Variants in LRP1B observed in about 807,000 individuals in gnomAD.
LRP1B encodes the protein low-density lipoprotein receptor-related protein 1B.
In LRP1B, 217 loss-of-function variants were observed where a neutral mutation model predicts 556.6. The ratio of observed to expected loss-of-function variants is 0.39; its 90% CI spans 0.35 to 0.44. The LOEUF (loss-of-function observed/expected upper bound fraction) is 0.44, where lower values mean the gene tolerates loss of function less well. Among genes scored for constraint, LRP1B ranks in the 20% least tolerant of loss-of-function variants. The probability of loss-of-function intolerance (pLI) is 1.00; values close to 1 mark genes in which losing one functional copy is unlikely to be tolerated. For missense variants in LRP1B, 5,053 were observed against 5,620.8 expected, an observed-to-expected ratio of 0.90 and a Z score of 3.23; for synonymous variants, 2,047 against 1,865.8, an observed-to-expected ratio of 1.10 and a Z score of -2.50.
intron 6 of LRP1B, among the ~76,000 whole-genome samples, chr2:141,209,048 A>T (rs543269713): frequency 6.6e-6 from 1 of 152,246 alleles, no homozygotes; most frequent in East Asian, 1.9e-4. Flanking sequence ...TTACATCCTT[A>T]GAAACAAGCA....
intron 76 of LRP1B, among the ~76,000 whole-genome samples, chr2:140,351,554 C>A (rs770824101): frequency 3.9e-5 from 6 of 151,968 alleles, no homozygotes; most frequent in African/African-American, 7.2e-5. Context: ...AGTATTTATT[C>A]CATTAAAGTT....
intron 72 of LRP1B, among the ~76,000 whole-genome samples, chr2:140,361,359 T>C (rs184119680): frequency 9.5e-4 from 117 of 122,958 alleles, no homozygotes; most frequent in South Asian, 1.4e-3. Flanking sequence ...TATATATATA[T>C]ATATATATAT....
At chr2:140,608,167 CAT>C (rs1440440417) in intron 41 of LRP1B, among the ~76,000 whole-genome samples, 2 of 151,916 alleles carry the variant, frequency 1.3e-5, no homozygotes, top group African/African-American at 4.8e-5. Flanking sequence ...CATAGAAAAA[CAT>C]AAGAGAATCT....
chr2:141,520,856 A>G (rs7585325), intron 2 of LRP1B, among the ~76,000 whole-genome samples: 149,023 of 152,038 alleles, frequency 0.98, 73,096 homozygotes, highest in East Asian at 1. Flanking sequence ...TGCTTTTATA[A>G]GAAAAAAGCA....
chr2:141,687,376 A>G (rs1257861216), intron 2 of LRP1B, among the ~76,000 whole-genome samples: 1 of 152,002 alleles, frequency 6.6e-6, no homozygotes, highest in Admixed American at 6.6e-5. Context: ...TAAGCCAAAT[A>G]TTCTGACTTT....
chr2:140,684,739 A>G (rs1685988535), intron 41 of LRP1B, among the ~76,000 whole-genome samples: 2 of 152,194 alleles, frequency 1.3e-5, no homozygotes, highest in African/African-American at 4.8e-5. Context: ...ATACTTATTT[A>G]CCAACATCCC....
At chr2:140,581,915 A>C (rs924293831) in intron 43 of LRP1B, among the ~76,000 whole-genome samples, 3 of 152,166 alleles carry the variant, frequency 2.0e-5, no homozygotes, top group Non-Finnish European at 4.4e-5. Context: ...TTCATACTAC[A>C]TCATTCACTT....
At chr2:141,170,148 C>T (rs1026851000) in intron 7 of LRP1B, among the ~76,000 whole-genome samples, 3 of 152,072 alleles carry the variant, frequency 2.0e-5, no homozygotes, top group Admixed American at 6.6e-5. Flanking sequence ...TTAATAGACA[C>T]CTGTCCTTTT....
intron 1 of LRP1B, among the ~76,000 whole-genome samples, chr2:141,818,566 T>G (rs1394226867): frequency 7.3e-6 from 1 of 137,530 alleles, no homozygotes; most frequent in East Asian, 2.2e-4. Context: ...AGATGGAGTC[T>G]TGCTCTGTCA....
At chr2:141,873,370 T>C (rs1698651201) in intron 1 of LRP1B, among the ~76,000 whole-genome samples, 1 of 151,978 alleles carries the variant, frequency 6.6e-6, no homozygotes, top group African/African-American at 2.4e-5. Context: ...GTTGTAGTAC[T>C]GGTGAAATAA....
At chr2:141,380,212 G>C (rs1010506583) in intron 3 of LRP1B, among the ~76,000 whole-genome samples, 4 of 141,146 alleles carry the variant, frequency 2.8e-5, no homozygotes, top group Non-Finnish European at 6.1e-5. Context: ...CTTCCTCTTG[G>C]TTTGCTCCAG....
chr2:140,952,400 T>A (rs1695743102), intron 18 of LRP1B, among the ~76,000 whole-genome samples: 1 of 152,018 alleles, frequency 6.6e-6, no homozygotes, highest in Non-Finnish European at 1.5e-5. Flanking sequence ...GATGTTAACA[T>A]TATATGGTGA....
At chr2:141,550,806 C>T (rs1487348242) in intron 2 of LRP1B, among the ~76,000 whole-genome samples, 1 of 152,076 alleles carries the variant, frequency 6.6e-6, no homozygotes, top group Non-Finnish European at 1.5e-5. Flanking sequence ...CTGTATTCAT[C>T]CATTCCTTCA....
chr2:141,171,865 T>A (rs1397742783), intron 7 of LRP1B, among the ~76,000 whole-genome samples: 2 of 152,126 alleles, frequency 1.3e-5, no homozygotes, highest in Admixed American at 6.6e-5. Flanking sequence ...ATTCTCTGGA[T>A]AATGATTGGT....
At chr2:141,507,725 G>A (rs1430793476) in intron 2 of LRP1B, among the ~76,000 whole-genome samples, 1 of 152,040 alleles carries the variant, frequency 6.6e-6, no homozygotes, top group East Asian at 1.9e-4. Flanking sequence ...TAGTTTTTGA[G>A]TACCTACTAT....
rs557267761 is a variant in LRP1B, at chr2:141,000,718, A to G, written c.2503+4617T>C. ...GTACATGGAAATAGGAAATTGATAT[A>G]TATAACAATTCATTTAAGTCATGAT... On this transcript the variant is annotated intron_variant, in intron 15 of 90. Coordinates refer to ENST00000389484, the MANE Select transcript of LRP1B (RefSeq NM_018557.3). Among the ~76,000 whole-genome samples, 12 of 152,220 alleles carry G rather than the reference A, an allele frequency of 7.9e-5. No individual in the cohort carries two copies. The East Asian group carries it at 2.3e-3, about 30-fold the overall frequency.
At chr2:140,531,019 C>A (rs1176503584) in intron 47 of LRP1B, among the ~76,000 whole-genome samples, 1 of 152,046 alleles carries the variant, frequency 6.6e-6, no homozygotes, top group African/African-American at 2.4e-5. Context: ...CTTCAACCAG[C>A]CACATAAGAA....
chr2:141,905,765 ATGTG>A lies in LRP1B; in HGVS notation c.83-95368_83-95365del, dbSNP rs56309590. Among the ~76,000 whole-genome samples the A allele has an allele frequency of 7.9e-3, 795 of 100,278 alleles. 4 individuals carry two copies. The highest frequency in any genetic ancestry group is 0.018 in the Middle Eastern group (3 of 164). The allele number at this position is 100,278 out of a possible 152,430, so 65.8% of individuals were successfully genotyped here. A position where few individuals can be genotyped will look rare whatever the true frequency, so the allele number is the denominator to read the frequency against. On this transcript the variant is annotated intron_variant, in intron 1 of 90. Coordinates refer to ENST00000389484, the MANE Select transcript of LRP1B (RefSeq NM_018557.3). ...GAGAAAATGGATCTGGTTTGAATAG[ATGTG>A]TGTGTGTGTGTGTGTGTGTGTGTGT... is the stretch of plus-strand genomic sequence containing the variant.
At chr2:140,563,709 G>T (rs774617542) in intron 43 of LRP1B, among the ~76,000 whole-genome samples, 1 of 152,152 alleles carries the variant, frequency 6.6e-6, no homozygotes, top group East Asian at 1.9e-4. Flanking sequence ...ACTGCTTTCC[G>T]TGTTGAGTGT....
Sources: gnomAD v4.1 joint callset for allele counts (sites outside exome capture counted in the v4.1 genomes callset) on GRCh38, gnomAD v4.1.1 for gene constraint, MANE v1.5 for transcripts, NCBI Gene and HGNC (gene_info 2026-07-23, HGNC 2026-07-21) for gene names.